MCUB: variants seen among roughly 807,000 people sequenced by gnomAD.
MCUB encodes the protein calcium uniporter regulatory subunit MCUb, mitochondrial.
In MCUB, 46 loss-of-function variants were observed where a neutral mutation model predicts 41.4. That is an observed-to-expected ratio of 1.11 (90% CI 0.88 to 1.42). The LOEUF (loss-of-function observed/expected upper bound fraction) is 1.42, where lower values mean the gene tolerates loss of function less well. MCUB is among the 40% of genes most tolerant of loss of function. The pLI is 0.00. For synonymous variants in MCUB, 148 were observed against 148.2 expected, an observed-to-expected ratio of 1.00 and a Z score of 0.01; for missense variants, 403 against 404.9, an observed-to-expected ratio of 1.00 and a Z score of 0.04.
intron 1 of MCUB, among the ~76,000 whole-genome samples, chr4:109,653,453 A>G (rs6533445): frequency 0.7 from 106,973 of 152,018 alleles, 38,297 homozygotes; most frequent in African/African-American, 0.83. Flanking sequence ...TGCCAGCAAT[A>G]TATGAGAATT....
At chr4:109,663,665 G>C (rs2126145460) in intron 3 of MCUB, among the ~76,000 whole-genome samples, 1 of 152,140 alleles carries the variant, frequency 6.6e-6, no homozygotes, top group African/African-American at 2.4e-5. Flanking sequence ...CCACAAATCA[G>C]TTACCTCTAA....
intron 1 of MCUB, among the ~76,000 whole-genome samples, chr4:109,593,375 C>T (rs191432966): frequency 1.6e-3 from 243 of 152,240 alleles, no homozygotes; most frequent in African/African-American, 5.7e-3. Flanking sequence ...TCCAGTTTTC[C>T]CATGGAGTTG....
chr4:109,618,182 G>A (rs1019383670), intron 1 of MCUB, among the ~76,000 whole-genome samples: 5 of 152,180 alleles, frequency 3.3e-5, no homozygotes, highest in Non-Finnish European at 7.3e-5. Flanking sequence ...TGTATACCCA[G>A]TGCAGCATTG....
rs539343463 is a variant in MCUB, at chr4:109,617,003, T to C, written c.100-42008T>C. ...AGTCTGAATATCTAATTTTATGTTA[T>C]GTTAGTCACCATTCTTTGCACCTCT... is the stretch of plus-strand genomic sequence containing the variant. On this transcript the variant is annotated intron_variant, in intron 1 of 7. Transcript: ENST00000394650. Among the ~76,000 whole-genome samples, 166 of 152,318 alleles carry C rather than the reference T, an allele frequency of 1.1e-3. 1 individual carries two copies. Among genetic ancestry groups the C allele is most frequent in the African/African-American group, 3.8e-3 (160 of 41,574 alleles).
Position 109,684,631 on chromosome 4 carries a change from T to C in MCUB, c.801T>C (p.Phe267=), listed in dbSNP as rs373191930. 29 of 1,497,204 alleles carry C rather than the reference T, an allele frequency of 1.9e-5. No homozygotes were observed. In the South Asian group the frequency reaches 2.7e-4, roughly 14 times the overall value. 92.7% of individuals were successfully genotyped at this position (1,497,204 alleles called of 1,614,324 possible). A position where few individuals can be genotyped will look rare whatever the true frequency, so the allele number is the denominator to read the frequency against. ...FANSMVFFAY[F]IVTRQDYTYS... is the part of the protein sequence containing the mutation. ...ATTCTATGGTCTTTTTTGCATACTT[T>C]ATAGTCACTCGACAGGTGAGTAGTT... Residue 267 remains phenylalanine, a synonymous_variant, in exon 6 of 8, where the codon TTT becomes TTC. Coordinates refer to ENST00000394650, the MANE Select transcript of MCUB (RefSeq NM_017918.5).
chr4:109,631,772 A>G (rs1203966684), intron 1 of MCUB, among the ~76,000 whole-genome samples: 1 of 152,126 alleles, frequency 6.6e-6, no homozygotes, highest in Non-Finnish European at 1.5e-5. Flanking sequence ...CTGTCCTTCC[A>G]GTTCTGTTTC....
chr4:109,590,844 C>G (rs576293442), intron 1 of MCUB, among the ~76,000 whole-genome samples: 5 of 152,170 alleles, frequency 3.3e-5, no homozygotes, highest in Admixed American at 1.3e-4. Flanking sequence ...TACATAAAGG[C>G]TATTCACTGG....
At chr4:109,597,928 G>A (rs1423994081) in intron 1 of MCUB, among the ~76,000 whole-genome samples, 4 of 151,012 alleles carry the variant, frequency 2.6e-5, no homozygotes, top group African/African-American at 4.9e-5. Flanking sequence ...GGTCGCGGCC[G>A]GGCAGAGGCG....
At chr4:109,619,030 G>A (rs201892006) in intron 1 of MCUB, among the ~76,000 whole-genome samples, 22 of 118,690 alleles carry the variant, frequency 1.9e-4, no homozygotes, top group South Asian at 2.6e-4. Context: ...CTACCTGCCT[G>A]CCTACCTACC....
intron 1 of MCUB, among the ~76,000 whole-genome samples, chr4:109,586,859 A>T (rs1727318539): frequency 6.6e-6 from 1 of 152,094 alleles, no homozygotes; most frequent in Non-Finnish European, 1.5e-5. Flanking sequence ...TGCCTATATG[A>T]GGTGTCAGTC....
intron 4 of MCUB, among the ~76,000 whole-genome samples, chr4:109,672,837 C>G (rs1321587461): frequency 6.6e-6 from 1 of 152,182 alleles, no homozygotes; most frequent in East Asian, 1.9e-4. Context: ...TCCCTCTCCC[C>G]CTTTTTTTGT....
chr4:109,560,708 CG>C (rs1726604013), intron 1 of MCUB, among the ~76,000 whole-genome samples: 1 of 152,068 alleles, frequency 6.6e-6, no homozygotes. Context: ...AGATAGGGTG[CG>C]GGGACCACCA....
intron 5 of MCUB, among the ~76,000 whole-genome samples, chr4:109,684,065 C>CTTTTTTTT (rs71595507): frequency 7.1e-6 from 1 of 140,048 alleles, no homozygotes. Flanking sequence ...TTCCTCTTTT[C>CTTTTTTTT]TTTTTTTTTT....
intron 1 of MCUB, among the ~76,000 whole-genome samples, chr4:109,612,263 CTTT>C (rs56813205): frequency 1.7e-5 from 2 of 114,840 alleles, no homozygotes; most frequent in Middle Eastern, 4.5e-3. Flanking sequence ...TCCTCCTTTT[CTTT>C]TTTTTTTTTT....
chr4:109,597,548 G>A (rs1579057148), intron 1 of MCUB, among the ~76,000 whole-genome samples: 2 of 132,668 alleles, frequency 1.5e-5, no homozygotes, highest in Admixed American at 1.5e-4. Flanking sequence ...GCGGCTGGCC[G>A]GGCAGAGGGG....
intron 1 of MCUB, among the ~76,000 whole-genome samples, chr4:109,612,428 G>A (rs373316400): frequency 2.3e-4 from 35 of 151,884 alleles, no homozygotes; most frequent in African/African-American, 8.0e-4. Context: ...CATCATGCCC[G>A]GCTAAATTTT....
chr4:109,651,740 A>G (rs1728966011), intron 1 of MCUB, among the ~76,000 whole-genome samples: 2 of 152,282 alleles, frequency 1.3e-5, no homozygotes, highest in Admixed American at 6.5e-5. Flanking sequence ...TTGTAGTTCC[A>G]TTCTTGCACA....
chr4:109,633,936 A>G (rs937802143), intron 1 of MCUB, among the ~76,000 whole-genome samples: 1 of 131,968 alleles, frequency 7.6e-6, no homozygotes, highest in East Asian at 2.1e-4. Flanking sequence ...CTGGGGCTCT[A>G]TTACACTTTA....
chr4:109,624,185 T>C (rs1728313907), intron 1 of MCUB, among the ~76,000 whole-genome samples: 1 of 152,128 alleles, frequency 6.6e-6, no homozygotes, highest in South Asian at 2.1e-4. Context: ...TAGACAGTGC[T>C]CCAGGGCACC....
Sources: allele counts gnomAD v4.1 joint callset (sites outside exome capture counted in the v4.1 genomes callset), GRCh38; gene constraint gnomAD v4.1.1; transcripts MANE v1.5; gene names NCBI Gene and HGNC (gene_info 2026-07-23, HGNC 2026-07-21).